CNIH3: variants seen among roughly 807,000 people sequenced by gnomAD.
CNIH3 encodes the protein cornichon family AMPA receptor auxiliary protein 3.
In CNIH3, 14 loss-of-function variants were observed where a neutral mutation model predicts 24.1. The ratio of observed to expected loss-of-function variants is 0.58; its 90% CI spans 0.38 to 0.91. CNIH3 has a LOEUF of 0.91. CNIH3 is among the 40% of genes least tolerant of loss of function. The probability of loss-of-function intolerance (pLI) is 0.00; values close to 1 mark genes in which losing one functional copy is unlikely to be tolerated. For missense variants in CNIH3, 178 were observed against 196.8 expected (o/e 0.90, Z 0.57); for synonymous variants, 68 against 73.8 (o/e 0.92, Z 0.40).
At chr1:224,699,875 G>T (rs1687387833) in intron 3 of CNIH3, among the ~76,000 whole-genome samples, 1 of 152,142 alleles carries the variant, frequency 6.6e-6, no homozygotes, top group Non-Finnish European at 1.5e-5. Flanking sequence ...TGCCATGTGG[G>T]GGTCATTAGG....
chr1:224,644,642 C>T (rs764999331), intron 1 of CNIH3, among the ~76,000 whole-genome samples: 5 of 152,264 alleles, frequency 3.3e-5, no homozygotes, highest in Admixed American at 6.5e-5. Flanking sequence ...TCCTGGCTGC[C>T]GCAAGCAGAT....
chr1:224,739,139 C>A (rs923041709), intron 5 of CNIH3, among the ~76,000 whole-genome samples, 190 bp from the exon 6 acceptor site: 1 of 151,938 alleles, frequency 6.6e-6, no homozygotes, highest in Admixed American at 6.6e-5. Flanking sequence ...AATTTTTATT[C>A]CAGTGTTGTG....
Position 224,458,151 on chromosome 1 carries a change from A to G in CNIH3, n.203+23289A>G, listed in dbSNP as rs1675756016. On this transcript the variant is annotated intron_variant and non_coding_transcript_variant, in intron 1 of 5. Coordinates refer to the CNIH3 transcript ENST00000471578. This position sits in a 1 kb window ranked among gnomAD's most constrained non-coding sequence, Gnocchi z 4.3. ...GTGCTTTTGAATGTATTAAGGAGTG[A>G]CGTACGGCTGGATTCACTCTGATCT... Among the ~76,000 whole-genome samples the G allele has an allele frequency of 6.6e-6, 1 of 152,196 alleles. No homozygotes were observed. Among genetic ancestry groups the G allele is most frequent in the Admixed American group, 6.5e-5 (1 of 15,286 alleles).
At chr1:224,513,465 C>T (rs569200112), upstream of CNIH3, among the ~76,000 whole-genome samples, 4 of 151,932 alleles carry the variant, frequency 2.6e-5, no homozygotes, top group East Asian at 5.8e-4. Context: ...CAGGTGTGAG[C>T]CCCTGGGCCT....
intron 1 of CNIH3, among the ~76,000 whole-genome samples, chr1:224,486,866 A>G (rs1677050917): frequency 6.6e-6 from 1 of 152,264 alleles, no homozygotes; most frequent in South Asian, 2.1e-4. Flanking sequence ...GATATCTATT[A>G]TGATTATGAC....
chr1:224,726,738 A>T (rs1689044437), intron 3 of CNIH3, among the ~76,000 whole-genome samples: 1 of 152,186 alleles, frequency 6.6e-6, no homozygotes, highest in Non-Finnish European at 1.5e-5. Context: ...CAGTAATCCC[A>T]CAATACTTAT....
intron 2 of CNIH3, among the ~76,000 whole-genome samples, chr1:224,523,396 C>A (rs1052909038): frequency 1.3e-5 from 2 of 152,154 alleles, no homozygotes; most frequent in Non-Finnish European, 2.9e-5. Flanking sequence ...TGTGCAACAA[C>A]ATGAAATAAT....
At chr1:224,656,025 G>A (rs563189642) in intron 1 of CNIH3, among the ~76,000 whole-genome samples, 2 of 152,298 alleles carry the variant, frequency 1.3e-5, no homozygotes, top group South Asian at 4.1e-4. Context: ...ACCCGGGAGT[G>A]TCAATTTCCA....
intron 4 of CNIH3, among the ~76,000 whole-genome samples, chr1:224,566,804 T>C (rs1018723746): frequency 6.6e-6 from 1 of 152,226 alleles, no homozygotes; most frequent in Non-Finnish European, 1.5e-5. Context: ...GTCTTTGCTA[T>C]TGTGAATAGT....
At chr1:224,708,974 C>T (rs1175060402) in intron 3 of CNIH3, among the ~76,000 whole-genome samples, 1 of 152,184 alleles carries the variant, frequency 6.6e-6, no homozygotes, top group Non-Finnish European at 1.5e-5. Flanking sequence ...CAAAACAAAA[C>T]AGAACACAGG....
intron 1 of CNIH3, among the ~76,000 whole-genome samples, chr1:224,624,378 C>A (rs1275684808): frequency 6.6e-6 from 1 of 152,134 alleles, no homozygotes; most frequent in Non-Finnish European, 1.5e-5. Context: ...CCTGGCCTCC[C>A]AGACCTGTCC....
intron 1 of CNIH3, among the ~76,000 whole-genome samples, chr1:224,641,109 T>TG (rs1319586838): frequency 1.3e-5 from 2 of 152,206 alleles, no homozygotes; most frequent in Non-Finnish European, 2.9e-5. Flanking sequence ...ACGCTGTGAT[T>TG]GGAGTCTTCG....
intron 1 of CNIH3, among the ~76,000 whole-genome samples, chr1:224,676,728 C>T (rs1388936607): frequency 6.6e-6 from 1 of 152,214 alleles, no homozygotes; most frequent in African/African-American, 2.4e-5. Flanking sequence ...CACTCGCAGT[C>T]AGTCCATTGC....
In CNIH3 at chr1:224,734,546, G is replaced by A; in HGVS notation, c.312-17G>A. ...GTACCAGGACCTCAGAGACAATGAT[G>A]TCCTCTCTCCCTGCAGGTATTTCCA... On this transcript the variant is annotated splice_polypyrimidine_tract_variant and intron_variant, in intron 4 of 5. Transcript: ENST00000272133. 6.2e-6 allele frequency: 10 copies of A among 1,613,134 alleles called. No individual in the cohort carries two copies. Among genetic ancestry groups the A allele is most frequent in the Non-Finnish European group, 8.5e-6 (10 of 1,179,284 alleles).
intron 1 of CNIH3, among the ~76,000 whole-genome samples, chr1:224,650,580 G>A (rs1034629098): frequency 4.6e-5 from 7 of 151,732 alleles, no homozygotes; most frequent in Non-Finnish European, 1.0e-4. Context: ...TGGGGCTGTT[G>A]TGTTGGCAAA....
At chr1:224,739,295 C>CT (rs11342205) in intron 5 of CNIH3, 34 bp from the exon 6 acceptor site, 15,546 of 1,332,954 alleles carry the variant, frequency 0.012, 42 homozygotes, top group African/African-American at 0.03. Flanking sequence ...ACCTTCCTCT[C>CT]TTTTTTTTTT....
At chr1:224,627,004 C>T (rs1683566927) in intron 1 of CNIH3, among the ~76,000 whole-genome samples, 1 of 152,106 alleles carries the variant, frequency 6.6e-6, no homozygotes, top group Admixed American at 6.6e-5. Flanking sequence ...TTCTTACACA[C>T]TTCTGTGTGC....
intron 1 of CNIH3, chr1:224,435,237 G>A: frequency 1.0e-6 from 1 of 984,230 alleles, no homozygotes; most frequent in Non-Finnish European, 1.2e-6. Context: ...GAACTTCCAG[G>A]CACAGGGCTG....
At chr1:224,633,411 G>A (rs572320317) in intron 1 of CNIH3, among the ~76,000 whole-genome samples, 1 of 152,144 alleles carries the variant, frequency 6.6e-6, no homozygotes, top group East Asian at 1.9e-4. Flanking sequence ...CGCCTGTCTC[G>A]GCCTCCCAAA....
Sources: allele counts gnomAD v4.1 joint callset (sites outside exome capture counted in the v4.1 genomes callset), GRCh38; gene constraint gnomAD v4.1.1; non-coding constraint Gnocchi (gnomAD v3.1); transcripts MANE v1.5; gene names NCBI Gene and HGNC (gene_info 2026-07-23, HGNC 2026-07-21).